The following THSD7B variants were observed in gnomAD, a reference collection of about 807,000 sequenced individuals.
THSD7B encodes the protein thrombospondin type-1 domain-containing protein 7B.
A neutral mutation model predicts 213.6 loss-of-function variants in THSD7B; 138 were observed. That is an observed-to-expected ratio of 0.65 (90% CI 0.56 to 0.74). THSD7B has a LOEUF of 0.74. Ranked by LOEUF, THSD7B falls within the 30% of genes least tolerant of loss-of-function variation. THSD7B has a pLI of 0.00. For synonymous variants in THSD7B, 742 were observed against 687.0 expected, an observed-to-expected ratio of 1.08 and a Z score of -1.25; for missense variants, 1,931 against 1,991.5, an observed-to-expected ratio of 0.97 and a Z score of 0.58.
intron 12 of THSD7B, among the ~76,000 whole-genome samples, chr2:137,279,532 G>T (rs1263654814): frequency 2.0e-5 from 3 of 152,112 alleles, no homozygotes; most frequent in African/African-American, 7.2e-5. Flanking sequence ...GACAGAATAA[G>T]ACCCTGGCTC....
At chr2:136,984,611 G>A (rs964801577) in intron 2 of THSD7B, among the ~76,000 whole-genome samples, 1 of 152,088 alleles carries the variant, frequency 6.6e-6, no homozygotes, top group Admixed American at 6.6e-5. Context: ...TAAATAAATT[G>A]CCTAGCATCA....
chr2:137,322,828 G>C (rs539568817), intron 12 of THSD7B, among the ~76,000 whole-genome samples: 1 of 152,256 alleles, frequency 6.6e-6, no homozygotes, highest in South Asian at 2.1e-4. Context: ...GTTTGTCATA[G>C]AGCCTCACCT....
intron 15 of THSD7B, among the ~76,000 whole-genome samples, chr2:137,552,177 A>T (rs2105207829): frequency 6.6e-6 from 1 of 152,294 alleles, no homozygotes; most frequent in Non-Finnish European, 1.5e-5. Flanking sequence ...TTACCCAAAG[A>T]CTAAGAATAA....
At chr2:137,083,247 C>CAGGGGAAG (rs1687780057) in intron 3 of THSD7B, among the ~76,000 whole-genome samples, 1 of 151,998 alleles carries the variant, frequency 6.6e-6, no homozygotes, top group Non-Finnish European at 1.5e-5. Flanking sequence ...CAAATAACAC[C>CAGGGGAAG]TAAGTTACCT....
intron 12 of THSD7B, among the ~76,000 whole-genome samples, chr2:137,374,273 G>T (rs1445378619): frequency 6.6e-6 from 1 of 152,052 alleles, no homozygotes; most frequent in East Asian, 1.9e-4. Flanking sequence ...TTTATTCTGT[G>T]ATGTAAATCA....
intron 10 of THSD7B, among the ~76,000 whole-genome samples, chr2:137,265,134 A>G (rs1682557069): frequency 6.6e-6 from 1 of 152,184 alleles, no homozygotes; most frequent in Admixed American, 6.5e-5. Flanking sequence ...AATTTCATCC[A>G]TGTCCCTACA....
chr2:137,381,548 C>G (rs1685776181), intron 12 of THSD7B, among the ~76,000 whole-genome samples: 1 of 152,150 alleles, frequency 6.6e-6, no homozygotes, highest in African/African-American at 2.4e-5. Flanking sequence ...GAATGCAGGC[C>G]TGGAGGTCAT....
chr2:137,426,889 C>T (rs1188586168), intron 14 of THSD7B, among the ~76,000 whole-genome samples: 1 of 151,838 alleles, frequency 6.6e-6, no homozygotes, highest in Non-Finnish European at 1.5e-5. Flanking sequence ...ATTTGGATAC[C>T]ATATATTCAA....
At chr2:137,492,299 C>A (rs1679428350) in intron 15 of THSD7B, among the ~76,000 whole-genome samples, 1 of 152,106 alleles carries the variant, frequency 6.6e-6, no homozygotes, top group Non-Finnish European at 1.5e-5. Flanking sequence ...TACCTATTTT[C>A]CAGATTCAAC....
chr2:137,376,024 G>T (rs1274798572), intron 12 of THSD7B, among the ~76,000 whole-genome samples: 1 of 152,162 alleles, frequency 6.6e-6, no homozygotes, highest in Non-Finnish European at 1.5e-5. Flanking sequence ...ATATACTTTG[G>T]CAAGTTGGGA....
At chr2:137,233,543 C>G (rs1253133792) in intron 9 of THSD7B, among the ~76,000 whole-genome samples, 3 of 152,162 alleles carry the variant, frequency 2.0e-5, no homozygotes, top group Non-Finnish European at 4.4e-5. Context: ...ACAGATCTCT[C>G]CTGCATTAAA....
chr2:137,246,076 G>C (rs983813152), intron 10 of THSD7B, among the ~76,000 whole-genome samples: 20 of 152,154 alleles, frequency 1.3e-4, no homozygotes, highest in Admixed American at 1.2e-3. Context: ...CATGGACCAG[G>C]GACAGACTAG....
chr2:136,833,433 ATTTTTTTTT>A (rs56778387), intron 1 of THSD7B, among the ~76,000 whole-genome samples: 1 of 112,072 alleles, frequency 8.9e-6, no homozygotes, highest in Non-Finnish European at 1.7e-5. Flanking sequence ...ATTATTTTCT[ATTTTTTTTT>A]TTTTTGCAAT....
rs186884927 is a variant in THSD7B, at chr2:137,365,459, A to G, written c.2501-40154A>G. 4.0e-3 allele frequency among the ~76,000 whole-genome samples: 604 copies of G among 152,360 alleles called. 4 individuals are homozygous for G. The highest frequency in any genetic ancestry group is 6.5e-3 in the Non-Finnish European group (443 of 68,040). On this transcript the variant is annotated intron_variant, in intron 12 of 27. Transcript: ENST00000409968. ...TACCATCAGAGTGAACAGGCAACCTACAGAATGGGAGAAAATTTTCACAAT... is the reference window on the plus strand; with the variant it reads ...TACCATCAGAGTGAACAGGCAACCTGCAGAATGGGAGAAAATTTTCACAAT...
intron 12 of THSD7B, among the ~76,000 whole-genome samples, chr2:137,373,936 C>A (rs1434524528): frequency 1.3e-5 from 2 of 152,154 alleles, no homozygotes; most frequent in African/African-American, 2.4e-5. Flanking sequence ...GTTTTCCCAG[C>A]ACCATTTATT....
intron 2 of THSD7B, among the ~76,000 whole-genome samples, chr2:137,041,464 G>A (rs1686880212): frequency 6.6e-6 from 1 of 151,538 alleles, no homozygotes; most frequent in South Asian, 2.1e-4. Flanking sequence ...GAATGTATGT[G>A]CCCACAGAAG....
At chr2:137,675,686 A>G (rs1353179024) in intron 27 of THSD7B, among the ~76,000 whole-genome samples, 1 of 152,108 alleles carries the variant, frequency 6.6e-6, no homozygotes, top group African/African-American at 2.4e-5. Context: ...AATAAGCAAT[A>G]GATGCTAATA....
chr2:137,251,859 G>A (rs1236850720), intron 10 of THSD7B, among the ~76,000 whole-genome samples: 1 of 152,184 alleles, frequency 6.6e-6, no homozygotes, highest in Non-Finnish European at 1.5e-5. Flanking sequence ...AGAAGCATTG[G>A]ATGTAACCAT....
chr2:137,319,911 T>C (rs1000862163), intron 12 of THSD7B, among the ~76,000 whole-genome samples: 2 of 152,168 alleles, frequency 1.3e-5, no homozygotes, highest in African/African-American at 4.8e-5. Context: ...CTGATTTGGC[T>C]TGCCCTCCTC....
Sources: gnomAD v4.1 joint callset for allele counts (sites outside exome capture counted in the v4.1 genomes callset) on GRCh38, gnomAD v4.1.1 for gene constraint, MANE v1.5 for transcripts, NCBI Gene and HGNC (gene_info 2026-07-23, HGNC 2026-07-21) for gene names.